Variants in CFAP77 observed in about 807,000 individuals in gnomAD.
CFAP77 encodes cilia- and flagella-associated protein 77.
In CFAP77, 25 loss-of-function variants were observed where a neutral mutation model predicts 31.1. The ratio of observed to expected loss-of-function variants is 0.80; its 90% CI spans 0.59 to 1.12. CFAP77 has a LOEUF of 1.12. Among genes scored for constraint, CFAP77 ranks in the 50% most tolerant of loss-of-function variants. CFAP77 has a pLI of 0.00. For synonymous variants in CFAP77, 151 were observed against 159.9 expected, an observed-to-expected ratio of 0.94 and a Z score of 0.42; for missense variants, 377 against 397.3, an observed-to-expected ratio of 0.95 and a Z score of 0.44.
At chr9:132,572,155 T>C (rs967907444) in intron 5 of CFAP77, among the ~76,000 whole-genome samples, 4 of 152,148 alleles carry the variant, frequency 2.6e-5, no homozygotes, top group African/African-American at 9.7e-5. Context: ...TCTGCCTGTA[T>C]CTTCCCCAGC....
At chr9:132,561,233 A>G (rs768781086) in intron 5 of CFAP77, among the ~76,000 whole-genome samples, 1 of 152,144 alleles carries the variant, frequency 6.6e-6, no homozygotes, top group South Asian at 2.1e-4. Context: ...ACAGCCTCTC[A>G]ATCTTTTAAA....
intron 1 of CFAP77, among the ~76,000 whole-genome samples, chr9:132,474,351 C>T (rs1034048078): frequency 2.0e-5 from 3 of 152,186 alleles, no homozygotes; most frequent in African/African-American, 7.2e-5. Context: ...TTCACTCACT[C>T]ACTCGTTCAC....
At chr9:132,458,313 G>A (rs1850957780) in intron 1 of CFAP77, among the ~76,000 whole-genome samples, 1 of 135,124 alleles carries the variant, frequency 7.4e-6, no homozygotes, top group African/African-American at 2.8e-5. Flanking sequence ...CTTCTTCACC[G>A]ACAGGCCTCT....
chr9:132,422,436 G>A (rs1232329911), intron 1 of CFAP77, among the ~76,000 whole-genome samples: 1 of 152,226 alleles, frequency 6.6e-6, no homozygotes, highest in Non-Finnish European at 1.5e-5. Flanking sequence ...AAGATACCAC[G>A]GATGCTATGT....
rs1851797147 is a variant in CFAP77 at position 132,499,241 on chromosome 9, G to A, written c.296-131G>A. ...TCATGCTTTCTGGGGGCCAGGCAGG[G>A]TTGTCACCCAGTAGGCTCAGGTAAA... On this transcript the variant is annotated intron_variant, in intron 2 of 5. Coordinates refer to ENST00000393216, the MANE Select transcript of CFAP77 (RefSeq NM_001282957.2). The surrounding 1 kb of genome is among the most constrained non-coding windows in gnomAD (Gnocchi z 5.4). 2.6e-6 allele frequency: 2 copies of A among 764,136 alleles called. No homozygotes were observed. Among genetic ancestry groups the A allele is most frequent in the Non-Finnish European group, 2.1e-6 (1 of 476,370 alleles). 47.3% of individuals were successfully genotyped at this position (764,136 alleles called of 1,614,324 possible).
At chr9:132,429,139 G>T (rs17149074) in intron 1 of CFAP77, among the ~76,000 whole-genome samples, 15,624 of 151,280 alleles carry the variant, frequency 0.1, 1,575 homozygotes, top group African/African-American at 0.26. Flanking sequence ...GTTTTTTCTC[G>T]GACTGCTAGA....
chr9:132,565,020 GGTCTCTTCCA>G lies in CFAP77; in HGVS notation c.733-7367_733-7358del, dbSNP rs1289256092. On this transcript the variant is annotated intron_variant, in intron 5 of 5. Transcript: ENST00000393216. This position sits in a 1 kb window ranked among gnomAD's most constrained non-coding sequence, Gnocchi z 4.1. Reference sequence around the variant, plus strand: ...GGAGAGTTAGATTCGATATCACTAAGGTCTCTTCCAAACCTAACTCTCTGGGAATATTTTA... The same window carrying G: ...GGAGAGTTAGATTCGATATCACTAAGAACCTAACTCTCTGGGAATATTTTA... 2.8e-4 allele frequency among the ~76,000 whole-genome samples: 43 copies of G among 151,966 alleles called. No individual in the cohort carries two copies. The highest frequency in any genetic ancestry group is 6.2e-4 in the Non-Finnish European group (42 of 67,996).
rs988175894 is a variant in CFAP77, at chr9:132,513,500, G to A, written c.524+13900G>A. 7 of 968,850 alleles carry A rather than the reference G, an allele frequency of 7.2e-6. No homozygotes were observed. In the Admixed American group the frequency reaches 1.2e-4, roughly 17 times the overall value. 60.0% of individuals were successfully genotyped at this position (968,850 alleles called of 1,614,324 possible). On this transcript the variant is annotated intron_variant, in intron 3 of 5. Coordinates refer to ENST00000393216, the MANE Select transcript of CFAP77 (RefSeq NM_001282957.2). ...TTGGAGCACGCATGCTTTCCACCCA[G>A]CGTGCCCAGTTTTGCTCTGTCGTTA...
chr9:132,449,045 G>A (rs557109586), intron 1 of CFAP77, among the ~76,000 whole-genome samples: 13 of 152,218 alleles, frequency 8.5e-5, no homozygotes, highest in Non-Finnish European at 1.6e-4. Context: ...GGGCACCGTG[G>A]AGGTGGGAAG....
At chr9:132,543,605 C>T (rs545075538) in intron 5 of CFAP77, among the ~76,000 whole-genome samples, 77 of 152,298 alleles carry the variant, frequency 5.1e-4, no homozygotes, top group African/African-American at 1.8e-3. Flanking sequence ...TGACATCCTG[C>T]GCTGGGAATT....
chr9:132,489,274 G>T (rs1389702061), intron 1 of CFAP77, among the ~76,000 whole-genome samples: 3 of 152,200 alleles, frequency 2.0e-5, no homozygotes, highest in African/African-American at 7.2e-5. Flanking sequence ...AGGGCTGAAA[G>T]GGGTCTCTTC....
Position 132,501,833 on chromosome 9 carries a change from C to T in CFAP77, c.524+2233C>T, listed in dbSNP as rs1265110979. Among the ~76,000 whole-genome samples the T allele has an allele frequency of 6.6e-6, 1 of 152,204 alleles. No individual in the cohort carries two copies. Among genetic ancestry groups the T allele is most frequent in the Non-Finnish European group, 1.5e-5 (1 of 68,042 alleles). ...TGGCTGGCCTGGTCTGATGATGCGC[C>T]CTTCCCTGGAGTCAGGGGTGAAATC... On this transcript the variant is annotated intron_variant, in intron 3 of 5. Transcript: ENST00000393216. The surrounding 1 kb of genome is among the most constrained non-coding windows in gnomAD (Gnocchi z 4.6).
intron 1 of CFAP77, among the ~76,000 whole-genome samples, chr9:132,411,900 T>C (rs1012096249): frequency 6.6e-6 from 1 of 152,016 alleles, no homozygotes; most frequent in African/African-American, 2.4e-5. Context: ...CATACATGCA[T>C]ATGCATTTGT....
chr9:132,539,243 T>G lies in CFAP77; in HGVS notation c.630+1537T>G, dbSNP rs1852599519. ...GAATCACTCTATGTTCACACAGTAC[T>G]TTATAGACTTCATCAAGGCGTGGCT... On this transcript the variant is annotated intron_variant, in intron 4 of 5. Coordinates refer to ENST00000393216, the MANE Select transcript of CFAP77 (RefSeq NM_001282957.2). The surrounding 1 kb of genome is among the most constrained non-coding windows in gnomAD (Gnocchi z 4.3). Among the ~76,000 whole-genome samples, 1 of 152,160 alleles carries G rather than the reference T, an allele frequency of 6.6e-6. No homozygotes were observed. Among genetic ancestry groups the G allele is most frequent in the African/African-American group, 2.4e-5 (1 of 41,438 alleles).
Position 132,424,799 on chromosome 9 carries a change from G to A in CFAP77, c.195+14333G>A, listed in dbSNP as rs752573844. On this transcript the variant is annotated intron_variant, in intron 1 of 5. Transcript: ENST00000393216. The surrounding 1 kb of genome is among the most constrained non-coding windows in gnomAD (Gnocchi z 4.1). ...GGCCAGGGAGCCAGGATGGCTGGGG[G>A]CAAAACCTCCATCAAGGCTGAGCAG... 4.6e-5 allele frequency among the ~76,000 whole-genome samples: 7 copies of A among 152,204 alleles called. No homozygotes were observed. Among genetic ancestry groups the A allele is most frequent in the Non-Finnish European group, 7.4e-5 (5 of 68,020 alleles).
At chr9:132,563,139 C>T (rs1433062614) in intron 5 of CFAP77, among the ~76,000 whole-genome samples, 1 of 152,124 alleles carries the variant, frequency 6.6e-6, no homozygotes, top group Non-Finnish European at 1.5e-5. Flanking sequence ...CCCCCTCAAT[C>T]TCCTGAGTAC....
intron 1 of CFAP77, among the ~76,000 whole-genome samples, chr9:132,434,499 A>G (rs1589848268): frequency 1.3e-5 from 2 of 152,224 alleles, no homozygotes; most frequent in Non-Finnish European, 2.9e-5. Context: ...TGGCATTTCT[A>G]CAAACATCTA....
chr9:132,516,590 TACACACAC>T (rs34683089), intron 3 of CFAP77, among the ~76,000 whole-genome samples: 21 of 145,052 alleles, frequency 1.4e-4, no homozygotes, highest in African/African-American at 5.1e-4. Flanking sequence ...CACACAGAAA[TACACACAC>T]ACACACACAC....
rs890202589 is a variant in CFAP77, at chr9:132,481,964, G to GA, written c.196-16731_196-16730insA. Among the ~76,000 whole-genome samples, 1 of 137,888 alleles carries GA rather than the reference G, an allele frequency of 7.3e-6. No homozygotes were observed. The highest frequency in any genetic ancestry group is 1.5e-5 in the Non-Finnish European group (1 of 66,556). 90.5% of individuals were successfully genotyped at this position (137,888 alleles called of 152,430 possible). ...AAGGAACAAGGGTTTATGGTTGGGG[G>GA]GGGGGGGGGCGGCGGAACACTGAAC... On this transcript the variant is annotated intron_variant, in intron 1 of 5. Transcript: ENST00000393216. The surrounding 1 kb of genome is among the most constrained non-coding windows in gnomAD (Gnocchi z 5.0).
Sources: allele counts gnomAD v4.1 joint callset (sites outside exome capture counted in the v4.1 genomes callset), GRCh38; gene constraint gnomAD v4.1.1; non-coding constraint Gnocchi (gnomAD v3.1); transcripts MANE v1.5; gene names NCBI Gene and HGNC (gene_info 2026-07-23, HGNC 2026-07-21).